NLK: variants seen among roughly 807,000 people sequenced by gnomAD.
The protein encoded by NLK is serine/threonine-protein kinase NLK.
NLK carries 11 observed loss-of-function variants against 59.0 expected under a neutral mutation model. The ratio of observed to expected loss-of-function variants is 0.19; its 90% CI spans 0.12 to 0.31. The LOEUF is 0.31. Ranked by LOEUF, NLK falls within the 10% of genes least tolerant of loss-of-function variation. The pLI, the probability that NLK is intolerant of heterozygous loss-of-function variation, is 1.00. For synonymous variants in NLK, 235 were observed against 235.9 expected (o/e 1.00, Z 0.03); for missense variants, 410 against 661.1 (o/e 0.62, Z 4.16).
intron 8 of NLK, among the ~76,000 whole-genome samples, chr17:28,187,396 G>A (rs187732819): frequency 3.3e-5 from 5 of 152,206 alleles, no homozygotes; most frequent in East Asian, 1.9e-4. Flanking sequence ...TCCACCTCCC[G>A]GGTTCAAGCG....
intron 1 of NLK, among the ~76,000 whole-genome samples, chr17:28,096,347 G>A (rs1726686390): frequency 2.0e-5 from 3 of 152,128 alleles, no homozygotes; most frequent in South Asian, 4.1e-4. Context: ...GTTTACCATA[G>A]TTAAGCCAAG....
At chr17:28,075,417 C>T (rs1233154691) in intron 1 of NLK, among the ~76,000 whole-genome samples, 2 of 152,162 alleles carry the variant, frequency 1.3e-5, no homozygotes, top group South Asian at 2.1e-4. Flanking sequence ...GGGCTATTTC[C>T]CTGAAGCATG....
intron 1 of NLK, among the ~76,000 whole-genome samples, chr17:28,079,359 A>G (rs907747933): frequency 3.9e-5 from 6 of 152,104 alleles, no homozygotes; most frequent in Non-Finnish European, 8.8e-5. Flanking sequence ...CCTGGCTTCA[A>G]TTCTTTTGGA....
chr17:28,100,015 A>G (rs976137590), intron 1 of NLK, among the ~76,000 whole-genome samples: 7 of 152,208 alleles, frequency 4.6e-5, no homozygotes, highest in Non-Finnish European at 8.8e-5. Context: ...CTTGATTAGC[A>G]TCTGGATTGT....
intron 1 of NLK, chr17:28,061,873 T>C (rs1371623671): frequency 6.9e-6 from 1 of 145,404 alleles, no homozygotes; most frequent in Non-Finnish European, 1.5e-5. Context: ...CATATACATA[T>C]ATATAATATA....
At chr17:28,071,195 A>C (rs1015153128) in intron 1 of NLK, among the ~76,000 whole-genome samples, 1 of 152,218 alleles carries the variant, frequency 6.6e-6, no homozygotes, top group Admixed American at 6.5e-5. Context: ...GAGAAACACT[A>C]TTTTAAAGTA....
chr17:28,149,333 G>A (rs1488979820), intron 3 of NLK, among the ~76,000 whole-genome samples: 1 of 152,132 alleles, frequency 6.6e-6, no homozygotes, highest in East Asian at 1.9e-4. Context: ...CAAAGTGCCG[G>A]GTTTATAGGT....
At chr17:28,181,788 A>G (rs548945000) in intron 7 of NLK, among the ~76,000 whole-genome samples, 1 of 152,172 alleles carries the variant, frequency 6.6e-6, no homozygotes, top group Non-Finnish European at 1.5e-5. Context: ...AGGAGGGCCA[A>G]AGGCTTGAGC....
At chr17:28,186,549 T>C (rs1403906067) in intron 8 of NLK, among the ~76,000 whole-genome samples, 1 of 152,196 alleles carries the variant, frequency 6.6e-6, no homozygotes, top group Non-Finnish European at 1.5e-5. Flanking sequence ...TTAATTGGAC[T>C]TAAACCTTAA....
chr17:28,173,936 T>C (rs1353090620), intron 7 of NLK, among the ~76,000 whole-genome samples: 4 of 152,252 alleles, frequency 2.6e-5, no homozygotes. Context: ...ACCCTTATGC[T>C]ACCCTTCTGT....
At chr17:28,071,106 C>T (rs907259005) in intron 1 of NLK, among the ~76,000 whole-genome samples, 2 of 152,128 alleles carry the variant, frequency 1.3e-5, no homozygotes, top group African/African-American at 4.8e-5. Context: ...ATGCTAGTAG[C>T]CACTCAGTAG....
intron 1 of NLK, among the ~76,000 whole-genome samples, chr17:28,077,138 C>T (rs959712004): frequency 2.2e-5 from 3 of 138,452 alleles, no homozygotes; most frequent in Non-Finnish European, 4.6e-5. Flanking sequence ...TACAAACCTC[C>T]TTTCCCTGCC....
At chr17:28,119,125 C>T (rs1429046278) in intron 1 of NLK, among the ~76,000 whole-genome samples, 2 of 152,132 alleles carry the variant, frequency 1.3e-5, no homozygotes, top group African/African-American at 2.4e-5. Flanking sequence ...AGAAACTAAG[C>T]GCCTCAAGCC....
chr17:28,060,923 T>C (rs957392491), intron 1 of NLK, among the ~76,000 whole-genome samples: 6 of 152,246 alleles, frequency 3.9e-5, no homozygotes, highest in Admixed American at 1.3e-4. Context: ...GATGTTCATT[T>C]ACTGTTATTT....
At chr17:28,180,718 C>T (rs1908870642) in intron 7 of NLK, among the ~76,000 whole-genome samples, 3 of 152,050 alleles carry the variant, frequency 2.0e-5, no homozygotes, top group Admixed American at 1.3e-4. Context: ...TTCAATTGTA[C>T]GAATTGTCTG....
At chr17:28,185,446 A>G (rs1213536826) in intron 8 of NLK, among the ~76,000 whole-genome samples, 181 bp downstream of exon 8, 2 of 152,224 alleles carry the variant, frequency 1.3e-5, no homozygotes, top group African/African-American at 4.8e-5. Flanking sequence ...ATTAACACAT[A>G]AGAGTCTAAG....
chr17:28,196,577 A>G (rs1306664987), downstream of NLK, among the ~76,000 whole-genome samples: 1 of 152,254 alleles, frequency 6.6e-6, no homozygotes, highest in Non-Finnish European at 1.5e-5. Context: ...TTAAATCAAT[A>G]TCAAAGATGT....
In NLK at chr17:28,043,455, A is replaced by G. The variant is rs537792316; in HGVS notation, c.458+124A>G. 1.3e-5 allele frequency: 11 copies of G among 829,806 alleles called. No individual in the cohort carries two copies. In the South Asian group the frequency reaches 2.0e-4, roughly 15 times the overall value. 51.4% of individuals were successfully genotyped at this position (829,806 alleles called of 1,614,324 possible). On this transcript the variant is annotated intron_variant, in intron 1 of 10. Coordinates refer to ENST00000407008, the MANE Select transcript of NLK (RefSeq NM_016231.5). ...GCAGCAAGCTTCTCAACCCAACTGT[A>G]GGAAGCCACCCTCACTTATGTGGTA...
intron 1 of NLK, among the ~76,000 whole-genome samples, chr17:28,047,234 C>T (rs1318052967): frequency 6.6e-6 from 1 of 152,108 alleles, no homozygotes; most frequent in African/African-American, 2.4e-5. Flanking sequence ...GTAGAAAAAT[C>T]AAGCTGTTGT....
Sources: gnomAD v4.1 joint callset for allele counts (sites outside exome capture counted in the v4.1 genomes callset) on GRCh38, gnomAD v4.1.1 for gene constraint, MANE v1.5 for transcripts, NCBI Gene and HGNC (gene_info 2026-07-23, HGNC 2026-07-21) for gene names.